Variants in SVIL observed in about 807,000 individuals in gnomAD.
SVIL encodes supervillin, also known as archvillin.
In SVIL, 101 loss-of-function variants were observed where a neutral mutation model predicts 240.4. That is an observed-to-expected ratio of 0.42 (90% CI 0.36 to 0.50). The LOEUF (loss-of-function observed/expected upper bound fraction) is 0.50. Among genes scored for constraint, SVIL ranks in the 20% least tolerant of loss-of-function variants. SVIL has a pLI of 0.01. For missense variants in SVIL, 2,512 were observed against 2,818.7 expected (o/e 0.89, Z 2.46); for synonymous variants, 999 against 1,100.0 (o/e 0.91, Z 1.82).
chr10:29,485,472 T>C (rs1350656664), intron 26 of SVIL, among the ~76,000 whole-genome samples: 1 of 152,250 alleles, frequency 6.6e-6, no homozygotes, highest in African/African-American at 2.4e-5. Flanking sequence ...CAATTTCACT[T>C]TCTATGTAAA....
rs934791055 is a variant in SVIL at position 29,457,528 on chromosome 10, A to G, written c.*719T>C. ...AAAAATGCAGAGCAAACTTTTCTGT[A>G]TATAAACTGTACATAAAAACAAGGC... On this transcript the variant is annotated 3_prime_UTR_variant, in exon 38 of 38. Transcript: ENST00000355867. 6.6e-6 allele frequency: 1 copy of G among 152,656 alleles called. No individual in the cohort carries two copies. The highest frequency in any genetic ancestry group is 2.4e-5 in the African/African-American group (1 of 41,462). The allele number at this position is 152,656 out of a possible 1,614,324, so 9.5% of individuals were successfully genotyped here.
chr10:29,513,266 C>T (rs139949793), intron 16 of SVIL, among the ~76,000 whole-genome samples: 44 of 152,290 alleles, frequency 2.9e-4, no homozygotes, highest in African/African-American at 1.0e-3. Context: ...ATGATGCAGA[C>T]ATGGGCTTAA....
intron 3 of SVIL, among the ~76,000 whole-genome samples, chr10:29,647,983 A>AC (rs1958717717): frequency 6.6e-6 from 1 of 151,418 alleles, no homozygotes; most frequent in Non-Finnish European, 1.5e-5. Context: ...AAAAAAAAAA[A>AC]AACAAAAAAA....
rs148672614 is a variant in SVIL, at chr10:29,488,698, G to A, written c.4251C>T (p.Asn1417=). The stretch of plus-strand genomic sequence containing the variant: ...CGCTCCGCAGGCTGACGTTGCTGAA[G>A]TTTTCTTTACTGGCTAAACCCGCCA... The part of the protein sequence containing the change: ...VTLAGLASKE[N]FSNVSLRSVN... The change falls in exon 23 of 38, where the codon AAC becomes AAT. Residue 1417 remains asparagine, a synonymous_variant. Coordinates refer to ENST00000355867, the MANE Select transcript of SVIL (RefSeq NM_021738.3). 2.2e-5 allele frequency: 36 copies of A among 1,613,108 alleles called. No homozygotes were observed. The African/African-American group carries it at 4.1e-4, about 19-fold the overall frequency.
At chr10:29,583,676 C>G (rs1025974031) in intron 1 of SVIL, among the ~76,000 whole-genome samples, 1 of 152,142 alleles carries the variant, frequency 6.6e-6, no homozygotes, top group Non-Finnish European at 1.5e-5. Context: ...CTGATTGATG[C>G]GGGGTAGGGG....
chr10:29,594,452 T>C (rs1956503769), intron 1 of SVIL, among the ~76,000 whole-genome samples: 2 of 152,124 alleles, frequency 1.3e-5, no homozygotes, highest in East Asian at 1.9e-4. Context: ...GGCTCATCAA[T>C]TGTAGCGTAT....
At chr10:29,477,722 C>T (rs1163453684) in intron 29 of SVIL, among the ~76,000 whole-genome samples, 2 of 152,210 alleles carry the variant, frequency 1.3e-5, no homozygotes, top group African/African-American at 4.8e-5. Context: ...AATCTGAATG[C>T]TCCCTGCTTT....
chr10:29,731,187 T>C (rs1052263824), intron 1 of SVIL, among the ~76,000 whole-genome samples: 2 of 152,184 alleles, frequency 1.3e-5, no homozygotes, highest in African/African-American at 4.8e-5. Context: ...GAAGTATTTG[T>C]TTACGTCTGT....
chr10:29,655,900 T>C (rs1958987406), intron 3 of SVIL, among the ~76,000 whole-genome samples: 1 of 151,412 alleles, frequency 6.6e-6, no homozygotes, highest in African/African-American at 2.4e-5. Flanking sequence ...TCTGTTTCTT[T>C]TGGAGTTTTG....
chr10:29,479,668 G>A (rs545500834), intron 29 of SVIL, among the ~76,000 whole-genome samples: 3 of 152,332 alleles, frequency 2.0e-5, no homozygotes, highest in South Asian at 2.1e-4. Flanking sequence ...GATGCATCTT[G>A]TATAAATCAG....
chr10:29,495,908 C>T (rs533089818), intron 18 of SVIL, among the ~76,000 whole-genome samples: 2 of 152,276 alleles, frequency 1.3e-5, no homozygotes, highest in African/African-American at 2.4e-5. Flanking sequence ...GGATGAGTAT[C>T]GCTTCCCTAA....
intron 18 of SVIL, chr10:29,496,530 C>T (rs1948458534): frequency 4.9e-6 from 2 of 410,296 alleles, no homozygotes; most frequent in Non-Finnish European, 9.7e-6. Flanking sequence ...CGTGTCCTGG[C>T]CGGTGCCGGG....
At chr10:29,625,933 A>G (rs1957848586) in intron 1 of SVIL, among the ~76,000 whole-genome samples, 2 of 152,162 alleles carry the variant, frequency 1.3e-5, no homozygotes, top group South Asian at 2.1e-4. Flanking sequence ...GCTTTGAGGT[A>G]TAATTCACAA....
intron 1 of SVIL, among the ~76,000 whole-genome samples, chr10:29,589,403 C>G (rs1302366230): frequency 6.6e-6 from 1 of 152,302 alleles, no homozygotes; most frequent in South Asian, 2.1e-4. Context: ...CCCCTGTAAA[C>G]CCCAGAAACT....
At chr10:29,503,749 C>G (rs1273857427) in intron 17 of SVIL, among the ~76,000 whole-genome samples, 1 of 152,138 alleles carries the variant, frequency 6.6e-6, no homozygotes, top group Non-Finnish European at 1.5e-5. Flanking sequence ...GATAAGAAGA[C>G]TCAATTTTGT....
At chr10:29,630,427 A>G (rs1467777673) in intron 1 of SVIL, among the ~76,000 whole-genome samples, 1 of 152,184 alleles carries the variant, frequency 6.6e-6, no homozygotes, top group Non-Finnish European at 1.5e-5. Flanking sequence ...AAAACCTCCT[A>G]CAATAGGGAG....
intron 2 of SVIL, among the ~76,000 whole-genome samples, chr10:29,684,067 C>A (rs1220526747): frequency 6.6e-6 from 1 of 152,088 alleles, no homozygotes; most frequent in African/African-American, 2.4e-5. Flanking sequence ...CCGAAAAAAA[C>A]TCCAAAAAAC....
At chr10:29,565,658 G>A (rs1954906964) in intron 2 of SVIL, among the ~76,000 whole-genome samples, 2 of 152,050 alleles carry the variant, frequency 1.3e-5, no homozygotes, top group African/African-American at 2.4e-5. Flanking sequence ...TGGGGGCTGA[G>A]GCAGGAGGAT....
At chr10:29,538,657 C>T (rs1951914456) in intron 6 of SVIL, among the ~76,000 whole-genome samples, 1 of 152,228 alleles carries the variant, frequency 6.6e-6, no homozygotes, top group African/African-American at 2.4e-5. Context: ...CCATAGTGTG[C>T]TGCATGGCCA....
Sources: gnomAD v4.1 joint callset for allele counts (sites outside exome capture counted in the v4.1 genomes callset) on GRCh38, gnomAD v4.1.1 for gene constraint, MANE v1.5 for transcripts, NCBI Gene and HGNC (gene_info 2026-07-23, HGNC 2026-07-21) for gene names.